Variants in SGCD observed in about 807,000 individuals in gnomAD.
SGCD encodes delta-sarcoglycan.
Under a neutral mutation model 36.6 loss-of-function variants are expected in SGCD, and 18 were observed. The ratio of observed to expected loss-of-function variants is 0.49; its 90% CI spans 0.34 to 0.73. The LOEUF is 0.73. SGCD is among the 30% of genes least tolerant of loss of function. SGCD has a pLI of 0.01. For missense variants in SGCD, 387 were observed against 346.7 expected (o/e 1.12, Z -0.92); for synonymous variants, 133 against 130.6 (o/e 1.02, Z -0.12).
chr5:156,455,481 A>G (rs894290209), intron 3 of SGCD, among the ~76,000 whole-genome samples: 2 of 151,478 alleles, frequency 1.3e-5, no homozygotes, highest in Non-Finnish European at 2.9e-5. Flanking sequence ...CTTAGTACTC[A>G]GTACTTTTCC....
At chr5:156,560,634 A>G (rs1280066926) in intron 4 of SGCD, among the ~76,000 whole-genome samples, 1 of 152,194 alleles carries the variant, frequency 6.6e-6, no homozygotes, top group Admixed American at 6.5e-5. Flanking sequence ...ATATTGGATA[A>G]TTGTTAGTGT....
intron 3 of SGCD, among the ~76,000 whole-genome samples, chr5:156,141,405 C>A (rs955677156): frequency 3.9e-5 from 6 of 152,242 alleles, no homozygotes; most frequent in African/African-American, 1.4e-4. Flanking sequence ...CTGCAGGCAC[C>A]TGACCCCTGC....
intron 3 of SGCD, among the ~76,000 whole-genome samples, chr5:156,453,311 AG>A (rs1401653648): frequency 6.6e-6 from 1 of 152,210 alleles, no homozygotes; most frequent in African/African-American, 2.4e-5. Context: ...GAAAACATAA[AG>A]GGAACTATAT....
At chr5:155,931,480 A>T (rs1203179458) in intron 1 of SGCD, among the ~76,000 whole-genome samples, 1 of 152,140 alleles carries the variant, frequency 6.6e-6, no homozygotes, top group Non-Finnish European at 1.5e-5. Flanking sequence ...AGTTATCTTC[A>T]TTTAATGTCA....
chr5:156,649,071 A>C (rs1581329933), intron 7 of SGCD, among the ~76,000 whole-genome samples: 1 of 152,304 alleles, frequency 6.6e-6, no homozygotes, highest in South Asian at 2.1e-4. Context: ...GATAATTCTC[A>C]AAAGAAGACA....
At chr5:155,770,792 TCCTC>T in the SGCD span, among the ~76,000 whole-genome samples, 2 of 152,178 alleles carry the variant, frequency 1.3e-5, no homozygotes, top group Admixed American at 6.5e-5. Context: ...ATGAATTTAG[TCCTC>T]TTTATCAGTT....
At position 156,484,617 on chromosome 5, in the gene SGCD, C is replaced by T. The variant is rs138070626; in HGVS notation, c.193-23984C>T. On this transcript the variant is annotated intron_variant, in intron 3 of 8. Transcript: ENST00000337851. The stretch of plus-strand genomic sequence containing the variant: ...AAGCTGTTCATATTCCCCTCTTATC[C>T]GGATACTCGGAAATGGCTTTTTTGT... Among the ~76,000 whole-genome samples, 409 of 152,172 alleles carry T rather than the reference C, an allele frequency of 2.7e-3. 4 individuals are homozygous for T. The highest frequency in any genetic ancestry group is 9.5e-3 in the African/African-American group (395 of 41,524).
intron 3 of SGCD, among the ~76,000 whole-genome samples, chr5:156,131,580 T>C (rs1431489957): frequency 6.6e-6 from 1 of 152,224 alleles, no homozygotes; most frequent in Non-Finnish European, 1.5e-5. Flanking sequence ...TGTGTGTCTA[T>C]GTATTCACTT....
chr5:156,229,804 A>C (rs1222108224), intron 3 of SGCD, among the ~76,000 whole-genome samples: 1 of 152,074 alleles, frequency 6.6e-6, no homozygotes, highest in African/African-American at 2.4e-5. Flanking sequence ...GATTATTCTT[A>C]GGTTTGGTCG....
intron 1 of SGCD, among the ~76,000 whole-genome samples, chr5:156,093,390 A>G (rs1490425754): frequency 6.6e-6 from 1 of 152,138 alleles, no homozygotes; most frequent in African/African-American, 2.4e-5. Context: ...CTTTATATTG[A>G]GATCACTCTA....
chr5:156,485,661 T>TA (rs111457626), intron 3 of SGCD, among the ~76,000 whole-genome samples: 52 of 148,782 alleles, frequency 3.5e-4, no homozygotes, highest in East Asian at 9.9e-4. Flanking sequence ...ATCTCAAAAA[T>TA]AAAAAAAAAA....
chr5:155,806,432 C>T, the SGCD span, among the ~76,000 whole-genome samples: 1 of 152,230 alleles, frequency 6.6e-6, no homozygotes, highest in African/African-American at 2.4e-5. Flanking sequence ...AGATTACAGG[C>T]ATAAGCCATC....
chr5:156,230,392 C>T (rs10064556), intron 3 of SGCD, among the ~76,000 whole-genome samples: 255 of 152,220 alleles, frequency 1.7e-3, no homozygotes, highest in African/African-American at 5.8e-3. Flanking sequence ...GTGGTACTCT[C>T]CTCCTTCTCC....
At chr5:156,192,632 A>G (rs79584764) in intron 3 of SGCD, among the ~76,000 whole-genome samples, 2,317 of 152,126 alleles carry the variant, frequency 0.015, 26 homozygotes, top group Non-Finnish European at 0.026. Flanking sequence ...TTTGTTCTAC[A>G]ATACAAAGAA....
rs373768785 is a variant in SGCD at position 156,671,918 on chromosome 5, G to A, written c.575+24382G>A. ...AGAAAGGGAATAAGAAAGAGACACC[G>A]GGCTCTTTAAAACAACCAGCTCCCA... On this transcript the variant is annotated intron_variant, in intron 7 of 8. Coordinates refer to ENST00000337851, the MANE Select transcript of SGCD (RefSeq NM_000337.6). 5.3e-5 allele frequency among the ~76,000 whole-genome samples: 8 copies of A among 152,040 alleles called. No individual in the cohort carries two copies. The South Asian group carries it at 8.3e-4, about 16-fold the overall frequency.
At chr5:155,806,447 C>T in the SGCD span, among the ~76,000 whole-genome samples, 1 of 152,320 alleles carries the variant, frequency 6.6e-6, no homozygotes, top group African/African-American at 2.4e-5. Flanking sequence ...GCCATCGTGC[C>T]CAGCCGACTT....
intron 1 of SGCD, among the ~76,000 whole-genome samples, chr5:155,997,025 C>T (rs1480699620): frequency 2.0e-5 from 3 of 151,904 alleles, no homozygotes; most frequent in Non-Finnish European, 2.9e-5. Flanking sequence ...TGAAGGTATT[C>T]TAGCCATGAC....
intron 1 of SGCD, among the ~76,000 whole-genome samples, chr5:155,917,513 TAAAG>T (rs1274351270): frequency 2.0e-5 from 3 of 152,072 alleles, no homozygotes; most frequent in Non-Finnish European, 4.4e-5. Flanking sequence ...GATTGACAAA[TAAAG>T]AATATGTTTT....
At chr5:156,352,149 G>A (rs1580860379) in intron 3 of SGCD, among the ~76,000 whole-genome samples, 1 of 152,188 alleles carries the variant, frequency 6.6e-6, no homozygotes, top group Admixed American at 6.5e-5. Flanking sequence ...CCAAAATACT[G>A]TAGTATTGAT....
Sources: gnomAD v4.1 joint callset for allele counts (sites outside exome capture counted in the v4.1 genomes callset) on GRCh38, gnomAD v4.1.1 for gene constraint, MANE v1.5 for transcripts, NCBI Gene and HGNC (gene_info 2026-07-23, HGNC 2026-07-21) for gene names.